Variants in SDK1 observed in about 807,000 individuals in gnomAD.
The protein encoded by SDK1 is protein sidekick-1.
A neutral mutation model predicts 245.5 loss-of-function variants in SDK1; 157 were observed. The ratio of observed to expected loss-of-function variants is 0.64; its 90% CI spans 0.56 to 0.73. The LOEUF (loss-of-function observed/expected upper bound fraction) is 0.73. Ranked by LOEUF, SDK1 falls within the 30% of genes least tolerant of loss-of-function variation. The pLI, the probability that SDK1 is intolerant of heterozygous loss-of-function variation, is 0.00. For synonymous variants in SDK1, 1,647 were observed against 1,278.5 expected (o/e 1.29, Z -6.15); for missense variants, 3,583 against 3,002.3 (o/e 1.19, Z -4.52).
intron 4 of SDK1, among the ~76,000 whole-genome samples, chr7:3,686,041 T>C (rs1784271902): frequency 1.3e-5 from 2 of 151,888 alleles, no homozygotes; most frequent in Admixed American, 6.6e-5. Context: ...GGACAGAAAG[T>C]AAAAGACTAG....
At chr7:3,862,327 G>A (rs958520331) in intron 5 of SDK1, among the ~76,000 whole-genome samples, 1 of 152,202 alleles carries the variant, frequency 6.6e-6, no homozygotes, top group Admixed American at 6.5e-5. Flanking sequence ...CTGCAGCCAG[G>A]ATTGACAGAT....
intron 1 of SDK1, among the ~76,000 whole-genome samples, chr7:3,597,468 A>G (rs1228523548): frequency 6.6e-6 from 1 of 152,156 alleles, no homozygotes; most frequent in Admixed American, 6.5e-5. Flanking sequence ...AGATAGAAAC[A>G]GGACACAGAA....
intron 1 of SDK1, among the ~76,000 whole-genome samples, chr7:3,462,195 G>A (rs931775558): frequency 2.0e-5 from 3 of 152,088 alleles, no homozygotes; most frequent in African/African-American, 7.2e-5. Context: ...ATGCTCTTCA[G>A]TTCACATCTC....
intron 1 of SDK1, among the ~76,000 whole-genome samples, chr7:3,580,985 A>AC (rs1780465358): frequency 5.0e-5 from 7 of 139,668 alleles, no homozygotes; most frequent in African/African-American, 1.1e-4. Flanking sequence ...AAAAAAAAAA[A>AC]AAAAAAAAAC....
At chr7:3,443,736 G>C (rs1411249787) in intron 1 of SDK1, among the ~76,000 whole-genome samples, 4 of 152,206 alleles carry the variant, frequency 2.6e-5, no homozygotes, top group African/African-American at 9.7e-5. Context: ...CTTGAAGATA[G>C]TAAATCTGTT....
rs188243756 is a variant in SDK1 at position 3,706,848 on chromosome 7, A to G, written c.713+64743A>G. ...TCCAGATTTTCTAATTTGTGTGCAC[A>G]AAGGTGTTCATAGTAGTATCAAATG... On this transcript the variant is annotated intron_variant, in intron 4 of 44. Transcript: ENST00000404826. Among the ~76,000 whole-genome samples, 313 of 152,284 alleles carry G rather than the reference A, an allele frequency of 2.1e-3. 1 individual carries two copies. The highest frequency in any genetic ancestry group is 4.9e-3 in the Admixed American group (75 of 15,304).
chr7:3,929,833 T>C (rs1779910611), intron 5 of SDK1, among the ~76,000 whole-genome samples: 1 of 152,078 alleles, frequency 6.6e-6, no homozygotes, highest in African/African-American at 2.4e-5. Context: ...GCTGGTAATT[T>C]ATAAGGAAGC....
At position 3,446,127 on chromosome 7, in the gene SDK1, G is replaced by A. The variant is rs186772641; in HGVS notation, c.298+144243G>A. Among the ~76,000 whole-genome samples the A allele has an allele frequency of 6.0e-3, 919 of 151,996 alleles. 2 individuals are homozygous for A. The highest frequency in any genetic ancestry group is 0.01 in the Middle Eastern group (3 of 294). On this transcript the variant is annotated intron_variant, in intron 1 of 44. Coordinates refer to ENST00000404826, the MANE Select transcript of SDK1 (RefSeq NM_152744.4). ...AATGAGAAATTCTGTCATTTGAGTTGGTTTCCCTGTTAGGTAAGATCTCAT... is the reference window on the plus strand; with the variant it reads ...AATGAGAAATTCTGTCATTTGAGTTAGTTTCCCTGTTAGGTAAGATCTCAT...
intron 4 of SDK1, chr7:3,642,728 C>A (rs867284128): frequency 6.6e-6 from 1 of 152,188 alleles, no homozygotes; most frequent in South Asian, 2.1e-4. Context: ...AGGTTTTCTT[C>A]ACTTGGAGCT....
intron 4 of SDK1, among the ~76,000 whole-genome samples, chr7:3,687,199 G>C (rs1784312837): frequency 6.8e-6 from 1 of 146,042 alleles, no homozygotes; most frequent in African/African-American, 2.5e-5. Flanking sequence ...TTGAGATAGA[G>C]TCTCTCTCTG....
At chr7:3,373,820 C>T (rs543246052) in intron 1 of SDK1, among the ~76,000 whole-genome samples, 1 of 152,192 alleles carries the variant, frequency 6.6e-6, no homozygotes. Context: ...ACTTCAGTAG[C>T]TTTTGTATAT....
chr7:3,484,402 A>G (rs1049430055), intron 1 of SDK1, among the ~76,000 whole-genome samples: 2 of 152,196 alleles, frequency 1.3e-5, no homozygotes, highest in Admixed American at 6.5e-5. Flanking sequence ...ACTTCGGGAC[A>G]TGAGTGTGTG....
intron 1 of SDK1, among the ~76,000 whole-genome samples, chr7:3,351,344 G>A (rs1412836995): frequency 6.6e-6 from 1 of 152,076 alleles, no homozygotes; most frequent in African/African-American, 2.4e-5. Flanking sequence ...CTCAACACAA[G>A]GAGAAAAATT....
chr7:3,985,980 C>T (rs774778800), intron 13 of SDK1, among the ~76,000 whole-genome samples: 70 of 152,132 alleles, frequency 4.6e-4, no homozygotes, highest in Non-Finnish European at 8.5e-4. Context: ...ACCCGGGTCA[C>T]ACTCAGCATC....
chr7:3,843,165 T>C (rs1456196225), intron 5 of SDK1, among the ~76,000 whole-genome samples: 1 of 152,170 alleles, frequency 6.6e-6, no homozygotes, highest in Non-Finnish European at 1.5e-5. Context: ...CTCACAGGCA[T>C]GGACACCAAT....
At chr7:4,098,804 C>T (rs1447735419) in intron 22 of SDK1, among the ~76,000 whole-genome samples, 3 of 143,886 alleles carry the variant, frequency 2.1e-5, no homozygotes, top group African/African-American at 5.2e-5. Context: ...GCTGGGATTA[C>T]AGGAGCACAC....
intron 22 of SDK1, among the ~76,000 whole-genome samples, chr7:4,107,249 G>A (rs1782993692): frequency 6.6e-6 from 1 of 151,892 alleles, no homozygotes; most frequent in Non-Finnish European, 1.5e-5. Context: ...GGGGTCTTGA[G>A]AGTAAGTTGA....
chr7:3,621,841 G>A (rs1300809431), intron 2 of SDK1, among the ~76,000 whole-genome samples: 1 of 152,148 alleles, frequency 6.6e-6, no homozygotes, highest in Non-Finnish European at 1.5e-5. Flanking sequence ...ACTATTATTT[G>A]CAAATCGTTG....
intron 4 of SDK1, chr7:3,642,838 A>G (rs1186335972): frequency 6.6e-6 from 1 of 152,254 alleles, no homozygotes; most frequent in African/African-American, 2.4e-5. Flanking sequence ...TCAAGGCTGA[A>G]CATTTCCAGA....
Sources: allele counts gnomAD v4.1 joint callset (sites outside exome capture counted in the v4.1 genomes callset), GRCh38; gene constraint gnomAD v4.1.1; transcripts MANE v1.5; gene names NCBI Gene and HGNC (gene_info 2026-07-23, HGNC 2026-07-21).